The following NRAP variants were observed in gnomAD, a reference collection of about 807,000 sequenced individuals.
The protein encoded by NRAP is nebulin related anchoring protein.
Under a neutral mutation model 225.9 loss-of-function variants are expected in NRAP, and 189 were observed. The observed-to-expected ratio is 0.84, with a 90% CI of 0.74 to 0.94. NRAP has a LOEUF of 0.94. Among genes scored for constraint, NRAP ranks in the 40% least tolerant of loss-of-function variants. NRAP has a pLI of 0.00. For synonymous variants in NRAP, 769 were observed against 790.7 expected, an observed-to-expected ratio of 0.97 and a Z score of 0.46; for missense variants, 2,176 against 2,168.7, an observed-to-expected ratio of 1.00 and a Z score of -0.07.
At chr10:113,649,041 C>A (rs1290521252) in intron 9 of NRAP, among the ~76,000 whole-genome samples, 1 of 152,048 alleles carries the variant, frequency 6.6e-6, no homozygotes, top group Non-Finnish European at 1.5e-5. Flanking sequence ...AATACAAAAC[C>A]AGTAAAAACA....
chr10:113,592,786 G>A (rs1291907680), intron 38 of NRAP, among the ~76,000 whole-genome samples: 1 of 152,198 alleles, frequency 6.6e-6, no homozygotes, highest in African/African-American at 2.4e-5. Context: ...GCCATGCCTT[G>A]CACCATCACT....
chr10:113,626,196 C>T, intron 20 of NRAP, 51 bp from the exon 21 acceptor site: 2 of 1,240,990 alleles, frequency 1.6e-6, no homozygotes, highest in Non-Finnish European at 2.3e-6. Context: ...GTTGCCCCTA[C>T]CACCCTACTC....
intron 10 of NRAP, among the ~76,000 whole-genome samples, 153 bp downstream of exon 10, chr10:113,646,770 C>A (rs546272886): frequency 6.6e-6 from 1 of 152,328 alleles, no homozygotes; most frequent in Non-Finnish European, 1.5e-5. Context: ...GGGGCCAAAG[C>A]AGGCATCATA....
At chr10:113,629,125 G>A (rs1197857217) in intron 19 of NRAP, 104 bp from the exon 20 acceptor site, 1 of 831,356 alleles carries the variant, frequency 1.2e-6, no homozygotes, top group Non-Finnish European at 2.0e-6. Flanking sequence ...TGCCTTCCTA[G>A]AAGAACTGCT....
chr10:113,656,908 A>G (rs931853770), intron 4 of NRAP, among the ~76,000 whole-genome samples: 1 of 152,156 alleles, frequency 6.6e-6, no homozygotes, highest in Non-Finnish European at 1.5e-5. Context: ...ATTTTTTTTT[A>G]TAATAAGAAT....
intron 9 of NRAP, 89 bp from the exon 10 acceptor site, chr10:113,647,116 C>T (rs889935352): frequency 7.3e-6 from 6 of 818,724 alleles, no homozygotes; most frequent in African/African-American, 1.7e-5. Context: ...AGCCTATTCT[C>T]ACAGAGGTTC....
chr10:113,612,172 G>A, intron 30 of NRAP, 62 bp downstream of exon 30: 1 of 1,375,508 alleles, frequency 7.3e-7, no homozygotes, highest in Non-Finnish European at 1.0e-6. Flanking sequence ...GGAGCCTGGA[G>A]GTCACCACCC....
At chr10:113,661,740 A>T (rs1377676840) in intron 3 of NRAP, among the ~76,000 whole-genome samples, 2 of 152,158 alleles carry the variant, frequency 1.3e-5, no homozygotes, top group African/African-American at 4.8e-5. Flanking sequence ...TCCCCATCTC[A>T]ACCCCACACG....
In NRAP at chr10:113,589,099, C is replaced by T. The variant is rs957855044; in HGVS notation, c.5089-20G>A. 6.2e-7 allele frequency: 1 copy of T among 1,606,918 alleles called. No individual in the cohort carries two copies. The highest frequency in any genetic ancestry group is 1.3e-5 in the African/African-American group (1 of 74,726). ...CCCCCGCTGCTGAAATCAAACATAC[C>T]CCAAGTTAAAATGAAGCTCCCCCAC... On this transcript the variant is annotated intron_variant, in intron 41 of 41. Coordinates refer to ENST00000359988, the MANE Select transcript of NRAP (RefSeq NM_198060.4).
intron 4 of NRAP, among the ~76,000 whole-genome samples, chr10:113,656,965 G>A (rs897166863): frequency 1.1e-4 from 17 of 152,216 alleles, no homozygotes; most frequent in African/African-American, 3.9e-4. Context: ...AAAATAAATG[G>A]CTAAGGAATT....
At chr10:113,612,525 G>A in intron 29 of NRAP, 94 bp from the exon 30 acceptor site, 1 of 1,017,306 alleles carries the variant, frequency 9.8e-7, no homozygotes, top group Non-Finnish European at 1.5e-6. Flanking sequence ...TTGTCTGGAG[G>A]TAAGCCCAGG....
intron 4 of NRAP, among the ~76,000 whole-genome samples, chr10:113,655,539 T>C (rs186655248): frequency 1.3e-5 from 2 of 150,556 alleles, no homozygotes; most frequent in East Asian, 3.9e-4. Flanking sequence ...CACTGCAACC[T>C]CCGCCTCCTG....
chr10:113,632,960 G>C (rs1029459043), intron 16 of NRAP, 124 bp downstream of exon 16: 3 of 671,118 alleles, frequency 4.5e-6, no homozygotes, highest in Admixed American at 2.3e-5. Flanking sequence ...GTTACAACTT[G>C]ATGGATGCCT....
At chr10:113,625,479 T>C (rs78243157) in intron 21 of NRAP, among the ~76,000 whole-genome samples, 147 of 152,360 alleles carry the variant, frequency 9.6e-4, no homozygotes, top group African/African-American at 3.4e-3. Context: ...AGTGGCTTTC[T>C]GCTGACTCTG....
intron 12 of NRAP, 112 bp from the exon 13 acceptor site, chr10:113,641,584 A>T: frequency 3.0e-6 from 2 of 658,206 alleles, no homozygotes; most frequent in South Asian, 3.9e-5. Context: ...AATATAACCC[A>T]TTTAAATAGT....
Position 113,642,942 on chromosome 10 carries a change from TA to T in NRAP, c.1206del (p.Phe402LeufsTer15). On this transcript the variant is annotated frameshift_variant, in exon 12 of 42. Coordinates refer to ENST00000359988, the MANE Select transcript of NRAP (RefSeq NM_198060.4). LOFTEE classifies it high-confidence loss of function. ...QFRNVSKISK[F>X]TSDNKYKENY... Reference sequence around the variant, plus strand: ...TAGCGTTAACAACTCACATCACTGGTAAATTTTGAGATCTTGCTCACGTTCC... The same window carrying T: ...TAGCGTTAACAACTCACATCACTGGTAATTTTGAGATCTTGCTCACGTTCC... 6.3e-7 allele frequency: 1 copy of T among 1,579,966 alleles called. No individual in the cohort carries two copies. Among genetic ancestry groups the T allele is most frequent in the Non-Finnish European group, 8.7e-7 (1 of 1,148,716 alleles).
intron 35 of NRAP, among the ~76,000 whole-genome samples, chr10:113,602,447 T>C (rs1194726568): frequency 6.6e-6 from 1 of 152,168 alleles, no homozygotes; most frequent in Non-Finnish European, 1.5e-5. Context: ...CCCTCAGGAT[T>C]GCTTAGCAAA....
At chr10:113,663,493 G>T in intron 1 of NRAP, 47 bp from the exon 2 acceptor site, 4 of 1,160,934 alleles carry the variant, frequency 3.4e-6, no homozygotes, top group Non-Finnish European at 5.2e-6. Flanking sequence ...TTTCCCCCCA[G>T]ACTCAAGGTT....
At position 113,597,928 on chromosome 10, in the gene NRAP, G is replaced by T. The variant is rs142708592; in HGVS notation, c.4332+41C>A. 1.3e-3 allele frequency: 1,697 copies of T among 1,351,956 alleles called. 30 individuals carry two copies. In the East Asian group the frequency reaches 0.032, roughly 26 times the overall value. The allele number at this position is 1,351,956 out of a possible 1,614,324, so 83.7% of individuals were successfully genotyped here. On this transcript the variant is annotated intron_variant, in intron 36 of 41. Coordinates refer to ENST00000359988, the MANE Select transcript of NRAP (RefSeq NM_198060.4). ...ATTCCCTCTTCAAAAGGAAATGCTA[G>T]CTTGCCCTTGTCACTTGTGGTGGGG...
Sources: gnomAD v4.1 joint callset for allele counts (sites outside exome capture counted in the v4.1 genomes callset) on GRCh38, gnomAD v4.1.1 for gene constraint, MANE v1.5 for transcripts, NCBI Gene and HGNC (gene_info 2026-07-23, HGNC 2026-07-21) for gene names.